Variants in LYPLAL1 observed in about 807,000 individuals in gnomAD.
The protein encoded by LYPLAL1 is lysophospholipase-like protein 1.
A neutral mutation model predicts 19.7 loss-of-function variants in LYPLAL1; 23 were observed. The observed-to-expected ratio is 1.17, with a 90% CI of 0.84 to 1.65. The LOEUF (loss-of-function observed/expected upper bound fraction) is 1.65. Ranked by LOEUF, LYPLAL1 falls within the 40% of genes most tolerant of loss-of-function variation. LYPLAL1 has a pLI of 0.00. For synonymous variants in LYPLAL1, 119 were observed against 96.3 expected, an observed-to-expected ratio of 1.24 and a Z score of -1.38; for missense variants, 355 against 279.4, an observed-to-expected ratio of 1.27 and a Z score of -1.93.
At chr1:219,176,961 A>G (rs1342678778) in intron 1 of LYPLAL1, among the ~76,000 whole-genome samples, 1 of 152,264 alleles carries the variant, frequency 6.6e-6, no homozygotes, top group African/African-American at 2.4e-5. Context: ...AAGTAAATAA[A>G]TACTATAGTA....
At chr1:219,379,072 T>C in the LYPLAL1 span, among the ~76,000 whole-genome samples, 1 of 152,224 alleles carries the variant, frequency 6.6e-6, no homozygotes, top group African/African-American at 2.4e-5. Context: ...ATATATATTA[T>C]GTATGTTTGT....
chr1:219,179,543 ATACTTCTTCCC>A (rs1656100200), intron 2 of LYPLAL1: 1 of 247,496 alleles, frequency 4.0e-6, no homozygotes, highest in Admixed American at 5.7e-5. Flanking sequence ...CTCAACTTTC[ATACTTCTTCCC>A]TACATTCACC....
At chr1:219,175,037 C>T (rs933763795) in intron 1 of LYPLAL1, 3 of 985,058 alleles carry the variant, frequency 3.0e-6, no homozygotes, top group Admixed American at 6.2e-5. Context: ...TTAAATGGGA[C>T]GGTGATTGGA....
chr1:219,240,971 A>C, the LYPLAL1 span, among the ~76,000 whole-genome samples: 1 of 151,634 alleles, frequency 6.6e-6, no homozygotes, highest in Non-Finnish European at 1.5e-5. Flanking sequence ...TTAGGCAGGA[A>C]GATCACTTGA....
At chr1:219,288,422 A>G in the LYPLAL1 span, among the ~76,000 whole-genome samples, 16 of 152,170 alleles carry the variant, frequency 1.1e-4, no homozygotes, top group Non-Finnish European at 2.1e-4. Context: ...AGGTAAAACT[A>G]TGGAATCAGT....
the LYPLAL1 span, among the ~76,000 whole-genome samples, chr1:219,333,413 T>C: frequency 6.6e-6 from 1 of 151,928 alleles, no homozygotes; most frequent in South Asian, 2.1e-4. Flanking sequence ...GCTTGTACAG[T>C]CATACATGGC....
At chr1:219,232,920 C>T in the LYPLAL1 span, among the ~76,000 whole-genome samples, 2 of 150,268 alleles carry the variant, frequency 1.3e-5, no homozygotes, top group Non-Finnish European at 3.0e-5. Context: ...GAAATTGAAA[C>T]CCTTGTGAAC....
the LYPLAL1 span, among the ~76,000 whole-genome samples, chr1:219,293,415 C>A: frequency 6.6e-6 from 1 of 152,058 alleles, no homozygotes; most frequent in African/African-American, 2.4e-5. Flanking sequence ...GTTTTTGTAT[C>A]CCTGGCTTAG....
At chr1:219,416,388 T>G in the LYPLAL1 span, among the ~76,000 whole-genome samples, 1 of 152,130 alleles carries the variant, frequency 6.6e-6, no homozygotes, top group Non-Finnish European at 1.5e-5. Flanking sequence ...TCTCATGATT[T>G]TGGTGCAGGA....
At position 219,193,067 on chromosome 1, in the gene LYPLAL1, G is replaced by GT; in HGVS notation, c.192-15_192-14insT. The GT allele has an allele frequency of 1.3e-6, 2 of 1,520,550 alleles. No homozygotes were observed. The highest frequency in any genetic ancestry group is 1.3e-5 in the South Asian group (1 of 77,862). The allele number at this position is 1,520,550 out of a possible 1,614,324, so 94.2% of individuals were successfully genotyped here. On this transcript the variant is annotated splice_polypyrimidine_tract_variant and intron_variant, in intron 2 of 4. Coordinates refer to ENST00000366928, the MANE Select transcript of LYPLAL1 (RefSeq NM_138794.5). ...TTCCTTTCTTTTTTTTTGGGGGGGG[G>GT]CGGTTGTTAAACAGATCATATACTC...
chr1:219,339,563 G>A, the LYPLAL1 span, among the ~76,000 whole-genome samples: 1 of 151,988 alleles, frequency 6.6e-6, no homozygotes, highest in African/African-American at 2.4e-5. Context: ...CAGCTGAATG[G>A]TGTCTATCGT....
chr1:219,409,187 G>A, the LYPLAL1 span, among the ~76,000 whole-genome samples: 7 of 152,266 alleles, frequency 4.6e-5, no homozygotes, highest in East Asian at 1.9e-4. Context: ...AGTGGCTCAC[G>A]CCTGTAATCC....
chr1:219,351,132 A>G, the LYPLAL1 span, among the ~76,000 whole-genome samples: 15 of 151,560 alleles, frequency 9.9e-5, no homozygotes, highest in African/African-American at 3.6e-4. Context: ...ACTTATTTGC[A>G]TTGTTATCTA....
the LYPLAL1 span, among the ~76,000 whole-genome samples, chr1:219,377,235 A>G: frequency 6.6e-6 from 1 of 152,236 alleles, no homozygotes; most frequent in African/African-American, 2.4e-5. Context: ...AGCCAGTTAC[A>G]AAAGGACAAA....
chr1:219,331,916 AG>A, the LYPLAL1 span, among the ~76,000 whole-genome samples: 1 of 152,156 alleles, frequency 6.6e-6, no homozygotes, highest in African/African-American at 2.4e-5. Flanking sequence ...GGCATTACTA[AG>A]GGATTTCACA....
intron 1 of LYPLAL1, chr1:219,175,060 A>G (rs2125010217): frequency 1.0e-6 from 1 of 985,450 alleles, no homozygotes; most frequent in East Asian, 1.1e-4. Context: ...GGAATTGGAA[A>G]GGTACTGGGC....
the LYPLAL1 span, among the ~76,000 whole-genome samples, chr1:219,389,599 A>G: frequency 6.6e-6 from 1 of 152,186 alleles, no homozygotes; most frequent in Non-Finnish European, 1.5e-5. Context: ...ATCGGCTCAG[A>G]ATAACCCTTA....
the LYPLAL1 span, among the ~76,000 whole-genome samples, chr1:219,381,390 G>C: frequency 6.6e-6 from 1 of 152,140 alleles, no homozygotes; most frequent in Non-Finnish European, 1.5e-5. Flanking sequence ...AGCAACATGA[G>C]AATGGACTAA....
the LYPLAL1 span, among the ~76,000 whole-genome samples, chr1:219,355,869 T>C: frequency 6.6e-6 from 1 of 151,924 alleles, no homozygotes; most frequent in South Asian, 2.1e-4. Flanking sequence ...TCTAAATAAA[T>C]AGGACAAAAA....
Sources: gnomAD v4.1 joint callset for allele counts (sites outside exome capture counted in the v4.1 genomes callset) on GRCh38, gnomAD v4.1.1 for gene constraint, MANE v1.5 for transcripts, NCBI Gene and HGNC (gene_info 2026-07-23, HGNC 2026-07-21) for gene names.